TENT4B: variants seen among roughly 807,000 people sequenced by gnomAD.
TENT4B encodes the protein PAP associated domain containing 5.
In TENT4B, 10 loss-of-function variants were observed where a neutral mutation model predicts 75.0. The observed-to-expected ratio is 0.13, with a 90% CI of 0.08 to 0.23. The LOEUF (loss-of-function observed/expected upper bound fraction) is 0.23. TENT4B is among the 10% of genes least tolerant of loss of function. The probability of loss-of-function intolerance (pLI) is 1.00; values close to 1 mark genes in which losing one functional copy is unlikely to be tolerated. For synonymous variants in TENT4B, 350 were observed against 357.7 expected (o/e 0.98, Z 0.24); for missense variants, 579 against 893.8 (o/e 0.65, Z 4.49).
intron 1 of TENT4B, among the ~76,000 whole-genome samples, chr16:50,159,200 T>TTC (rs999518983): frequency 8.0e-5 from 12 of 150,882 alleles, no homozygotes; most frequent in African/African-American, 2.2e-4. Context: ...CTGCTTCTCT[T>TTC]TCTCTCTCTC....
At chr16:50,228,137 T>A in intron 11 of TENT4B, 134 bp downstream of exon 11, 1 of 1,122,856 alleles carries the variant, frequency 8.9e-7, no homozygotes, top group South Asian at 1.6e-5. Context: ...TTCTAAGAGG[T>A]TCCAACACAT....
chr16:50,173,720 A>T (rs954485946), intron 1 of TENT4B, among the ~76,000 whole-genome samples: 12 of 152,162 alleles, frequency 7.9e-5, no homozygotes, highest in South Asian at 4.1e-4. Context: ...TTGAAATGGA[A>T]TCTCGCTCTA....
Position 50,229,630 on chromosome 16 carries a change from C to T in TENT4B, c.*302C>T. ...GCTTGAATGTAAAATAAATATATTTCTCATTGGCTTTATGCAGAGTTATAG... is the reference window on the plus strand; with the variant it reads ...GCTTGAATGTAAAATAAATATATTTTTCATTGGCTTTATGCAGAGTTATAG... On this transcript the variant is annotated 3_prime_UTR_variant, in exon 12 of 12. Transcript: ENST00000561678. The T allele has an allele frequency of 9.3e-7, 1 of 1,077,654 alleles. No homozygotes were observed. The allele number at this position is 1,077,654 out of a possible 1,614,324, so 66.8% of individuals were successfully genotyped here. A position where few individuals can be genotyped will look rare whatever the true frequency, so the allele number is the denominator to read the frequency against.
chr16:50,169,387 G>GT lies in TENT4B; in HGVS notation c.638+15154dup, dbSNP rs552275205. Among the ~76,000 whole-genome samples, 104 of 65,784 alleles carry GT rather than the reference G, an allele frequency of 1.6e-3. 5 individuals carry two copies. Among genetic ancestry groups the GT allele is most frequent in the South Asian group, 8.3e-3 (11 of 1,332 alleles). The allele number at this position is 65,784 out of a possible 152,430, so 43.2% of individuals were successfully genotyped here. A position where few individuals can be genotyped will look rare whatever the true frequency, so the allele number is the denominator to read the frequency against. On this transcript the variant is annotated intron_variant, in intron 1 of 11. Coordinates refer to ENST00000561678, the MANE Select transcript of TENT4B (RefSeq NM_001365324.3). ...CTAGAGATTTGTTTAGATTTTGTGG[G>GT]TTTTTTTTTTTTTTTTTTTTTTTTT...
In TENT4B at chr16:50,230,426, C is replaced by T; in HGVS notation, c.*1098C>T. ...TGCTGCGTGTGCCTGTTTCTCATCT[C>T]TTATTCTTTTTAAAATTCATGCTTA... On this transcript the variant is annotated 3_prime_UTR_variant, in exon 12 of 12. Transcript: ENST00000561678. The T allele has an allele frequency of 1.0e-6, 1 of 985,732 alleles. No individual in the cohort carries two copies. Among genetic ancestry groups the T allele is most frequent in the Non-Finnish European group, 1.2e-6 (1 of 829,896 alleles). The allele number at this position is 985,732 out of a possible 1,614,324, so 61.1% of individuals were successfully genotyped here.
chr16:50,176,565 G>A (rs184096395), intron 1 of TENT4B, among the ~76,000 whole-genome samples: 54 of 131,578 alleles, frequency 4.1e-4, no homozygotes, highest in African/African-American at 1.5e-3. Context: ...GGAGTGCAGC[G>A]GTGCAATCTC....
At chr16:50,218,979 A>G (rs1335435918) in intron 5 of TENT4B, among the ~76,000 whole-genome samples, 2 of 151,986 alleles carry the variant, frequency 1.3e-5, no homozygotes, top group African/African-American at 4.8e-5. Flanking sequence ...TTGTTTTTTA[A>G]GAAAAAAATG....
intron 1 of TENT4B, among the ~76,000 whole-genome samples, chr16:50,210,430 G>C (rs546554261): frequency 2.0e-5 from 3 of 152,264 alleles, no homozygotes; most frequent in Admixed American, 1.3e-4. Flanking sequence ...CTATCCGCAG[G>C]GTGTGGGTAT....
chr16:50,189,547 C>A lies in TENT4B; in HGVS notation c.639-21776C>A, dbSNP rs150917194. On this transcript the variant is annotated intron_variant, in intron 1 of 11. Transcript: ENST00000561678. ...CCTGGGCTGTCTCTGTGAGGATATC[C>A]CCTCTATTCTCTCTGAAATGTCCCA... 1.9e-3 allele frequency among the ~76,000 whole-genome samples: 291 copies of A among 152,152 alleles called. 7 individuals carry two copies. The East Asian group carries it at 0.05, about 26-fold the overall frequency.
intron 1 of TENT4B, among the ~76,000 whole-genome samples, chr16:50,188,702 A>G (rs372394898): frequency 6.6e-6 from 1 of 152,148 alleles, no homozygotes; most frequent in East Asian, 1.9e-4. Context: ...CCAGTTTTAA[A>G]CAACTTGGGT....
At chr16:50,159,698 T>C (rs576565485) in intron 1 of TENT4B, among the ~76,000 whole-genome samples, 3 of 152,326 alleles carry the variant, frequency 2.0e-5, no homozygotes, top group African/African-American at 4.8e-5. Flanking sequence ...TTTGCAGATA[T>C]AGCCCACAGT....
intron 7 of TENT4B, 102 bp from the exon 8 acceptor site, chr16:50,224,555 G>A (rs2031963831): frequency 6.2e-6 from 9 of 1,451,666 alleles, no homozygotes; most frequent in Admixed American, 5.9e-5. Context: ...CACAACTCTG[G>A]TGGGATAACT....
At chr16:50,184,637 A>G (rs188986251) in intron 1 of TENT4B, among the ~76,000 whole-genome samples, 2,830 of 152,248 alleles carry the variant, frequency 0.019, 42 homozygotes, top group South Asian at 0.044. Flanking sequence ...ACTGCACTCC[A>G]GCCTGGGCGA....
chr16:50,170,962 T>TG (rs559895011), intron 1 of TENT4B, among the ~76,000 whole-genome samples: 42 of 147,860 alleles, frequency 2.8e-4, no homozygotes, highest in African/African-American at 9.7e-4. Flanking sequence ...TGCCCAGTGT[T>TG]TTTTTTTTTT....
intron 1 of TENT4B, among the ~76,000 whole-genome samples, chr16:50,156,347 T>A (rs1167621568): frequency 3.7e-3 from 1 of 270 alleles, no homozygotes; most frequent in Non-Finnish European, 0.024. Context: ...GTATTCTGAT[T>A]TTTTTTTTTT....
chr16:50,230,280 C>G lies in TENT4B; in HGVS notation c.*952C>G, dbSNP rs1161990315. 1 of 976,350 alleles carries G rather than the reference C, an allele frequency of 1.0e-6. No individual in the cohort carries two copies. The highest frequency in any genetic ancestry group is 6.7e-5 in the Admixed American group (1 of 14,880). 60.5% of individuals were successfully genotyped at this position (976,350 alleles called of 1,614,324 possible). Reference sequence around the variant, plus strand: ...CTTCCTTTGCAGTCTTTTTTTTTTCCCCCCATTTCTTCCTAATAGGAAAAA... The same window carrying G: ...CTTCCTTTGCAGTCTTTTTTTTTTCGCCCCATTTCTTCCTAATAGGAAAAA... On this transcript the variant is annotated 3_prime_UTR_variant, in exon 12 of 12. Coordinates refer to ENST00000561678, the MANE Select transcript of TENT4B (RefSeq NM_001365324.3).
At chr16:50,204,526 C>G (rs1006185398) in intron 1 of TENT4B, among the ~76,000 whole-genome samples, 3 of 152,120 alleles carry the variant, frequency 2.0e-5, no homozygotes, top group Non-Finnish European at 4.4e-5. Flanking sequence ...TAGCTGGTAG[C>G]TGCAAGTATA....
At chr16:50,200,800 T>A (rs1015776300) in intron 1 of TENT4B, among the ~76,000 whole-genome samples, 3 of 151,468 alleles carry the variant, frequency 2.0e-5, no homozygotes, top group East Asian at 1.9e-4. Context: ...GTTTTTTATT[T>A]TTTTTTTTTA....
chr16:50,207,372 G>A (rs1053502025), intron 1 of TENT4B, among the ~76,000 whole-genome samples: 19 of 151,818 alleles, frequency 1.3e-4, no homozygotes, highest in Admixed American at 1.2e-3. Flanking sequence ...TTGTAGAGAT[G>A]GGGTTTCACT....
Sources: gnomAD v4.1 joint callset for allele counts (sites outside exome capture counted in the v4.1 genomes callset) on GRCh38, gnomAD v4.1.1 for gene constraint, MANE v1.5 for transcripts, NCBI Gene and HGNC (gene_info 2026-07-23, HGNC 2026-07-21) for gene names.